FBXO2: variants seen among roughly 807,000 people sequenced by gnomAD.
The protein encoded by FBXO2 is F-box only protein 2.
In FBXO2, 32 loss-of-function variants were observed where a neutral mutation model predicts 38.6. The observed-to-expected ratio is 0.83, with a 90% CI of 0.62 to 1.11. The LOEUF is 1.11. Ranked by LOEUF, FBXO2 falls within the 50% of genes most tolerant of loss-of-function variation. The pLI is 0.00. For missense variants in FBXO2, 450 were observed against 418.3 expected (o/e 1.08, Z -0.66); for synonymous variants, 189 against 182.9 (o/e 1.03, Z -0.27).
chr1:11,650,080 G>A lies in FBXO2; in HGVS notation c.392-6C>T. On this transcript the variant is annotated splice_region_variant and splice_polypyrimidine_tract_variant and intron_variant, in intron 2 of 5. Transcript: ENST00000354287. Reference sequence around the variant, plus strand: ...ACACCAGCCTTCCAAGTCCTCTGTAGGGACACGACAGCCCCACCCTGGTCA... The same window carrying A: ...ACACCAGCCTTCCAAGTCCTCTGTAAGGACACGACAGCCCCACCCTGGTCA... 6.2e-7 allele frequency: 1 copy of A among 1,613,886 alleles called. No individual in the cohort carries two copies. The highest frequency in any genetic ancestry group is 8.5e-7 in the Non-Finnish European group (1 of 1,179,950).
Position 11,650,739 on chromosome 1 carries a change from C to A in FBXO2, c.118G>T (p.Ala40Ser). 6.5e-7 allele frequency: 1 copy of A among 1,530,034 alleles called. No individual in the cohort carries two copies. The highest frequency in any genetic ancestry group is 8.7e-7 in the Non-Finnish European group (1 of 1,144,812). 94.8% of individuals were successfully genotyped at this position (1,530,034 alleles called of 1,614,324 possible). ...TCCAGGTACGCGGCGGCGGCCGCCG[C>A]CTCCTCCTCCTGCTGGTCCTCCGGC... ...ERPEDQQEEE[A>S]AAAAAYLDEL... Residue 40 changes from alanine to serine, a missense_variant, in exon 2 of 6, where the codon GCG becomes TCG. By Grantham distance (99) the Ala-to-Ser change is moderately conservative. Coordinates refer to ENST00000354287, the MANE Select transcript of FBXO2 (RefSeq NM_012168.6).
rs1475813609 is a variant in FBXO2 at position 11,650,706 on chromosome 1, G to A, written c.151C>T (p.Pro51Ser). The A allele has an allele frequency of 1.3e-6, 2 of 1,530,808 alleles. No homozygotes were observed. Among genetic ancestry groups the A allele is most frequent in the African/African-American group, 1.4e-5 (1 of 71,308 alleles). The allele number at this position is 1,530,808 out of a possible 1,614,324, so 94.8% of individuals were successfully genotyped here. Residue 51 changes from proline (P) to serine (S), a missense_variant, in exon 2 of 6, where the codon CCC becomes TCC. Transcript: ENST00000354287. ...AGCACGCGCAGCAGCAGCGGCTCGG[G>A]CAGCTCGTCCAGGTACGCGGCGGCG... ...AAAAAYLDEL[P>S]EPLLLRVLAA...
In FBXO2 at chr1:11,650,669, G is replaced by T. The variant is rs1315305758; in HGVS notation, c.188C>A (p.Pro63Gln). ...GCAGGCCTGCACCAGCTCGGCGGCC[G>T]GCAGTGCGGCCAGCACGCGCAGCAG... ...PLLLRVLAAL[P>Q]AAELVQACRL... Residue 63 changes from proline to glutamine, a missense_variant, in exon 2 of 6, where the codon CCG becomes CAG. Transcript: ENST00000354287. 1.9e-6 allele frequency: 3 copies of T among 1,544,882 alleles called. No homozygotes were observed. Among genetic ancestry groups the T allele is most frequent in the Non-Finnish European group, 2.6e-6 (3 of 1,151,120 alleles).
rs1332351100 is a variant in FBXO2, at chr1:11,650,763, G to A, written c.94C>T (p.Pro32Ser). The change falls in exon 2 of 6, where the codon CCG (proline) becomes TCG (serine). Residue 32 changes from proline (P) to serine (S), a missense_variant. Physicochemically the swap from Pro to Ser is moderately conservative, Grantham distance 74 (BLOSUM62 -1). Transcript: ENST00000354287. ...PEEASAEEERPEDQQEEEAAA... is the reference protein window; with the variant it reads ...PEEASAEEERSEDQQEEEAAA... ...GCCTCCTCCTCCTGCTGGTCCTCCGGCCGCTCCTCCTCAGCACTCGCCTCC... is the reference window on the plus strand; with the variant it reads ...GCCTCCTCCTCCTGCTGGTCCTCCGACCGCTCCTCCTCAGCACTCGCCTCC... The A allele has an allele frequency of 6.5e-7, 1 of 1,532,492 alleles. No homozygotes were observed. 94.9% of individuals were successfully genotyped at this position (1,532,492 alleles called of 1,614,324 possible).
At position 11,650,853 on chromosome 1, in the gene FBXO2, G is replaced by T. The variant is rs1184947762; in HGVS notation, c.23-19C>A. The T allele has an allele frequency of 6.4e-7, 1 of 1,556,806 alleles. No homozygotes were observed. On this transcript the variant is annotated intron_variant, in intron 1 of 5. Transcript: ENST00000354287. ...ACGCTCTCTGCAGGCAGGGATGGGT[G>T]GGAGGCTGTGATTCCTCCACCCTGT...
rs1557653624 is a variant in FBXO2 at position 11,650,347 on chromosome 1, T to C, written c.391+119A>G. On this transcript the variant is annotated intron_variant, in intron 2 of 5. Transcript: ENST00000354287. ...CTACAGTAATAGACAGCCTTGGGGC[T>C]ACCCAGTGCTGGCACTGAGCCAGGC... The C allele has an allele frequency of 2.4e-5, 35 of 1,465,862 alleles. No individual in the cohort carries two copies. In the East Asian group the frequency reaches 8.0e-4, roughly 33 times the overall value. The allele number at this position is 1,465,862 out of a possible 1,614,324, so 90.8% of individuals were successfully genotyped here. A position where few individuals can be genotyped will look rare whatever the true frequency, so the allele number is the denominator to read the frequency against.
intron 3 of FBXO2, 28 bp from the exon 4 acceptor site, chr1:11,649,902 G>C (rs747437704): frequency 3.7e-6 from 6 of 1,613,740 alleles, no homozygotes; most frequent in East Asian, 2.2e-5. Context: ...AGGACAGAGC[G>C]AACGCTCCCC....
At chr1:11,653,222 G>A (rs1464939992) in intron 1 of FBXO2, among the ~76,000 whole-genome samples, 1 of 152,116 alleles carries the variant, frequency 6.6e-6, no homozygotes. Flanking sequence ...CCCGAAAGGT[G>A]CACCTCACCC....
chr1:11,653,066 C>T (rs1311316949), intron 1 of FBXO2, among the ~76,000 whole-genome samples: 2 of 152,224 alleles, frequency 1.3e-5, no homozygotes, highest in Non-Finnish European at 2.9e-5. Context: ...CATCGCAGAA[C>T]GGCAGGAAGA....
chr1:11,652,348 G>A (rs1056831004), intron 1 of FBXO2, among the ~76,000 whole-genome samples: 3 of 152,148 alleles, frequency 2.0e-5, no homozygotes, highest in African/African-American at 7.2e-5. Context: ...ATGACATAGG[G>A]GCTTGGGGAA....
In FBXO2 at chr1:11,654,327, C is replaced by T; in HGVS notation, c.14G>A (p.Gly5Asp). 1.4e-6 allele frequency: 2 copies of T among 1,467,094 alleles called. No homozygotes were observed. The highest frequency in any genetic ancestry group is 2.6e-5 in the South Asian group (2 of 76,996). 90.9% of individuals were successfully genotyped at this position (1,467,094 alleles called of 1,614,324 possible). A position where few individuals can be genotyped will look rare whatever the true frequency, so the allele number is the denominator to read the frequency against. Reference sequence around the variant, plus strand: ...GTCCAGGCGTCGGCTACCTGGGTCACCGTCTCCGTCCATCGCTGCGGAGGG... The same window carrying T: ...GTCCAGGCGTCGGCTACCTGGGTCATCGTCTCCGTCCATCGCTGCGGAGGG... MDGDGDPESVGQPEE... is the reference protein window; with the variant it reads MDGDDDPESVGQPEE... Residue 5 changes from glycine to aspartate, a missense_variant, in exon 1 of 6, where the codon GGT becomes GAT. Coordinates refer to ENST00000354287, the MANE Select transcript of FBXO2 (RefSeq NM_012168.6).
chr1:11,652,019 G>A (rs941724325), intron 1 of FBXO2, among the ~76,000 whole-genome samples: 2 of 152,192 alleles, frequency 1.3e-5, no homozygotes, highest in African/African-American at 4.8e-5. Context: ...TTTAAAGATA[G>A]GGTCTCACTC....
rs753875632 is a variant in FBXO2 at position 11,650,688 on chromosome 1, G to GCAGCA, written c.164_168dup (p.Arg57CysfsTer62). 3 of 1,534,444 alleles carry GCAGCA rather than the reference G, an allele frequency of 2.0e-6. No homozygotes were observed. The highest frequency in any genetic ancestry group is 2.6e-6 in the Non-Finnish European group (3 of 1,146,148). The stretch of plus-strand genomic sequence containing the variant: ...GCGGCCGGCAGTGCGGCCAGCACGC[G>GCAGCA]CAGCAGCAGCGGCTCGGGCAGCTCG... On this transcript the variant is annotated frameshift_variant, in exon 2 of 6. Coordinates refer to ENST00000354287, the MANE Select transcript of FBXO2 (RefSeq NM_012168.6). LOFTEE classifies it high-confidence loss of function.
In FBXO2 at chr1:11,649,998, C is replaced by T. The variant is rs370677159; in HGVS notation, c.468G>A (p.Gly156=). ...CGCTCTCATCGTGGGTGAACTCCAC[C>T]CCACTGTCTCCAGGCAGCTCCTCCA... ...WRVEELPGDS[G]VEFTHDESVK... Residue 156 remains glycine (G), a synonymous_variant, in exon 3 of 6, where the codon GGG becomes GGA. Transcript: ENST00000354287. 1.4e-4 allele frequency: 231 copies of T among 1,613,932 alleles called. No homozygotes were observed. Among genetic ancestry groups the T allele is most frequent in the Non-Finnish European group, 1.9e-4 (224 of 1,180,026 alleles).
Position 11,649,867 on chromosome 1 carries a change from G to T in FBXO2, c.529C>A (p.Arg177Ser). The change falls in exon 4 of 6, where the codon CGC becomes AGC. Residue 177 changes from arginine to serine, a missense_variant. Arg to Ser is a moderately radical substitution (Grantham distance 110). Coordinates refer to ENST00000354287, the MANE Select transcript of FBXO2 (RefSeq NM_012168.6). ...KYFASSFEWC[R>S]KAQVIDLQAE... ...TGCAGGTCAATGACCTGTGCTTTGC[G>T]ACACCACCTGGGAGAACTGGAGTTA... 1 of 1,614,008 alleles carries T rather than the reference G, an allele frequency of 6.2e-7. No homozygotes were observed. The highest frequency in any genetic ancestry group is 8.5e-7 in the Non-Finnish European group (1 of 1,180,000).
At position 11,650,539 on chromosome 1, in the gene FBXO2, C is replaced by A; in HGVS notation, c.318G>T (p.Glu106Asp). 1 of 1,601,700 alleles carries A rather than the reference C, an allele frequency of 6.2e-7. No homozygotes were observed. The highest frequency in any genetic ancestry group is 8.5e-7 in the Non-Finnish European group (1 of 1,175,458). The change falls in exon 2 of 6, where the codon GAG becomes GAT. Residue 106 changes from glutamate to aspartate, a missense_variant. By Grantham distance (45) the Glu-to-Asp change is conservative. Transcript: ENST00000354287. Reference sequence around the variant, plus strand: ...AGTAGAACTGCTGCCAGTGGTCGCGCTCCTCCTCCACGCCGCCCTCGGGCA... The same window carrying A: ...AGTAGAACTGCTGCCAGTGGTCGCGATCCTCCTCCACGCCGCCCTCGGGCA... ...GLVPEGGVEE[E>D]RDHWQQFYFL... is the part of the protein sequence containing the mutation.
In FBXO2 at chr1:11,650,119, A is replaced by G. The variant is rs772871166; in HGVS notation, c.392-45T>C. The G allele has an allele frequency of 3.1e-6, 5 of 1,608,480 alleles. No homozygotes were observed. The South Asian group carries it at 4.4e-5, about 14-fold the overall frequency. ...CCACCCTGGTCACTCAGTCCCTGCT[A>G]AGGCTGGCTCTTGCCACTATGTGGT... On this transcript the variant is annotated intron_variant, in intron 2 of 5. Coordinates refer to ENST00000354287, the MANE Select transcript of FBXO2 (RefSeq NM_012168.6).
intron 1 of FBXO2, 120 bp downstream of exon 1, chr1:11,654,199 T>G: frequency 8.8e-7 from 1 of 1,136,460 alleles, no homozygotes; most frequent in Non-Finnish European, 1.2e-6. Flanking sequence ...TTCGCTGGCG[T>G]GAAAGTTTGC....
At chr1:11,651,708 T>C (rs894212210) in intron 1 of FBXO2, among the ~76,000 whole-genome samples, 29 of 151,406 alleles carry the variant, frequency 1.9e-4, no homozygotes, top group Admixed American at 1.8e-3. Context: ...TTTTGACTTT[T>C]TTTTTTTTTT....
Sources: gnomAD v4.1 joint callset for allele counts (sites outside exome capture counted in the v4.1 genomes callset) on GRCh38, gnomAD v4.1.1 for gene constraint, MANE v1.5 for transcripts, NCBI Gene and HGNC (gene_info 2026-07-23, HGNC 2026-07-21) for gene names.